Variants in ART3 observed in about 807,000 individuals in gnomAD.
The protein encoded by ART3 is ADP-ribosyltransferase 3 (inactive), also known as ecto-ADP-ribosyltransferase 3.
ART3 carries 49 observed loss-of-function variants against 48.5 expected under a neutral mutation model. That is an observed-to-expected ratio of 1.01 (90% confidence interval 0.80 to 1.28). The LOEUF is 1.28. ART3 is among the 50% of genes most tolerant of loss of function. ART3 has a pLI of 0.00. For synonymous variants in ART3, 145 were observed against 157.2 expected, an observed-to-expected ratio of 0.92 and a Z score of 0.58; for missense variants, 438 against 454.3, an observed-to-expected ratio of 0.96 and a Z score of 0.33.
intron 1 of ART3, chr4:76,034,877 T>A: frequency 6.8e-7 from 1 of 1,462,284 alleles, no homozygotes; most frequent in Non-Finnish European, 9.5e-7. Flanking sequence ...CCAGGACATC[T>A]AAAAACATGT....
chr4:76,035,600 A>T (rs1734316627), intron 1 of ART3, among the ~76,000 whole-genome samples: 1 of 152,206 alleles, frequency 6.6e-6, no homozygotes, highest in Non-Finnish European at 1.5e-5. Flanking sequence ...TGCCCCCTTG[A>T]TTTTATCCTC....
chr4:76,109,215 AT>A (rs1476353340), intron 11 of ART3, among the ~76,000 whole-genome samples: 2 of 151,880 alleles, frequency 1.3e-5, no homozygotes, highest in African/African-American at 2.4e-5. Context: ...TTTTTTCTTT[AT>A]ATCCTATTCT....
intron 1 of ART3, among the ~76,000 whole-genome samples, chr4:76,063,369 T>C (rs1329414610): frequency 1.3e-5 from 2 of 151,944 alleles, no homozygotes; most frequent in Non-Finnish European, 2.9e-5. Context: ...TCAGGAAGAG[T>C]TAAAAGCATT....
At chr4:76,027,929 CT>C in intron 1 of ART3, among the ~76,000 whole-genome samples, 1 of 151,518 alleles carries the variant, frequency 6.6e-6, no homozygotes, top group Admixed American at 6.6e-5. Flanking sequence ...CTCAGATAGA[CT>C]AAGATGAAAA....
chr4:76,097,672 C>A lies in ART3; in HGVS notation c.810C>A (p.Asn270Lys), dbSNP rs746343326. 3 of 1,608,182 alleles carry A rather than the reference C, an allele frequency of 1.9e-6. No individual in the cohort carries two copies. Among genetic ancestry groups the A allele is most frequent in the East Asian group, 2.2e-5 (1 of 44,840 alleles). The change falls in exon 4 of 12, where the codon AAC becomes AAA. Residue 270 changes from asparagine (N) to lysine (K), a missense_variant. This residue lies in a region of ART3 where 227 missense variants were observed against 229.6 expected (regional missense o/e 0.99). Coordinates refer to ENST00000355810, the MANE Select transcript of ART3 (RefSeq NM_001130016.3). The part of the protein sequence containing the change: ...GGLKTENCIE[N>K]LEYFQPIYVY... The stretch of plus-strand genomic sequence containing the variant: ...TAAAAACCGAAAACTGTATTGAGAA[C>A]CTAGGTAAGATAGCTTTAAAGTCTT...
At chr4:76,055,957 T>A (rs1242118625) in intron 1 of ART3, among the ~76,000 whole-genome samples, 1 of 152,216 alleles carries the variant, frequency 6.6e-6, no homozygotes, top group East Asian at 1.9e-4. Context: ...GAATCTCTGA[T>A]CTGAGGCAGT....
intron 9 of ART3, 42 bp from the exon 10 acceptor site, chr4:76,104,555 T>C: frequency 2.6e-6 from 4 of 1,551,430 alleles, no homozygotes; most frequent in South Asian, 2.4e-5. Context: ...TTATACTCAG[T>C]GGAGCAAACT....
intron 7 of ART3, 61 bp downstream of exon 7, chr4:76,100,885 T>C: frequency 1.2e-6 from 2 of 1,600,926 alleles, no homozygotes; most frequent in Non-Finnish European, 1.7e-6. Context: ...CCTTTACAGG[T>C]GGGAATATTT....
chr4:76,052,784 G>A (rs1057231955), intron 1 of ART3, among the ~76,000 whole-genome samples: 1 of 148,110 alleles, frequency 6.8e-6, no homozygotes, highest in Non-Finnish European at 1.5e-5. Flanking sequence ...GCACGATCTC[G>A]GCTTGCTGCA....
At chr4:76,056,722 G>GA (rs1346628503) in intron 1 of ART3, among the ~76,000 whole-genome samples, 6 of 151,572 alleles carry the variant, frequency 4.0e-5, no homozygotes, top group African/African-American at 1.5e-4. Flanking sequence ...TTCTCCCTAG[G>GA]AAAAAAAATA....
intron 1 of ART3, among the ~76,000 whole-genome samples, chr4:76,060,496 G>A (rs1399264360): frequency 6.6e-6 from 1 of 152,086 alleles, no homozygotes; most frequent in Non-Finnish European, 1.5e-5. Context: ...CTATCTGCAA[G>A]CCTACACACC....
chr4:76,097,620 T>G, intron 3 of ART3, 24 bp from the exon 4 acceptor site: 1 of 1,591,448 alleles, frequency 6.3e-7, no homozygotes, highest in Non-Finnish European at 8.6e-7. Context: ...GTCTAACTAA[T>G]AAAGCTTTAT....
chr4:76,058,864 C>T (rs997883834), intron 1 of ART3, among the ~76,000 whole-genome samples: 2 of 152,132 alleles, frequency 1.3e-5, no homozygotes, highest in Non-Finnish European at 2.9e-5. Flanking sequence ...TGGGTAGCCC[C>T]TCAACCAGAA....
intron 1 of ART3, among the ~76,000 whole-genome samples, chr4:76,028,247 G>A (rs1733586037): frequency 1.3e-5 from 2 of 152,156 alleles, no homozygotes; most frequent in South Asian, 2.1e-4. Context: ...AAGACTGCAT[G>A]TGTCATTTGA....
chr4:76,066,597 G>T (rs935106473), intron 1 of ART3, among the ~76,000 whole-genome samples: 1 of 152,084 alleles, frequency 6.6e-6, no homozygotes, highest in Non-Finnish European at 1.5e-5. Context: ...CCCATCTTCT[G>T]CTCAGCTCTG....
intron 1 of ART3, among the ~76,000 whole-genome samples, chr4:76,037,993 A>G (rs73825708): frequency 2.6e-4 from 40 of 152,294 alleles, no homozygotes; most frequent in Non-Finnish European, 5.3e-4. Flanking sequence ...TTTAACAACC[A>G]TGACTAGTCT....
At position 76,051,236 on chromosome 4, in the gene ART3, AG is replaced by A. The variant is rs373456622; in HGVS notation, c.-9-24644del. Among the ~76,000 whole-genome samples, 338 of 152,362 alleles carry A rather than the reference AG, an allele frequency of 2.2e-3. 2 individuals are homozygous for A. Among genetic ancestry groups the A allele is most frequent in the African/African-American group, 7.6e-3 (316 of 41,590 alleles). Reference sequence around the variant, plus strand: ...TCACCTCTCAAAAGTACAGTAGTATAGTACCTGATGCTGTTTTTTAGAGGGA... The same window carrying A: ...TCACCTCTCAAAAGTACAGTAGTATATACCTGATGCTGTTTTTTAGAGGGA... On this transcript the variant is annotated intron_variant, in intron 1 of 9. Coordinates refer to the ART3 transcript ENST00000341029.
chr4:76,032,037 G>T (rs2149397771), intron 1 of ART3, among the ~76,000 whole-genome samples: 1 of 152,270 alleles, frequency 6.6e-6, no homozygotes, highest in Admixed American at 6.5e-5. Context: ...AATAGTATGT[G>T]CAAAGGTACC....
At chr4:76,063,873 A>G (rs1225650634) in intron 1 of ART3, among the ~76,000 whole-genome samples, 1 of 152,208 alleles carries the variant, frequency 6.6e-6, no homozygotes, top group Non-Finnish European at 1.5e-5. Flanking sequence ...ATTATATACT[A>G]GCCAACTGTT....
Sources: gnomAD v4.1 joint callset for allele counts (sites outside exome capture counted in the v4.1 genomes callset) on GRCh38, gnomAD v4.1.1 for gene constraint, gnomAD v4.1.1 regional missense constraint, MANE v1.5 for transcripts, NCBI Gene and HGNC (gene_info 2026-07-23, HGNC 2026-07-21) for gene names.